Variants in EEF1AKMT2 observed in about 807,000 individuals in gnomAD.
EEF1AKMT2 encodes eukaryotic translation elongation factor 1 alpha lysine methyltransferase 2.
Under a neutral mutation model 35.8 loss-of-function variants are expected in EEF1AKMT2, and 32 were observed. That is an observed-to-expected ratio of 0.89 (90% CI 0.67 to 1.20). EEF1AKMT2 has a LOEUF of 1.20. EEF1AKMT2 is among the 50% of genes most tolerant of loss of function. The pLI is 0.00. For missense variants in EEF1AKMT2, 330 were observed against 347.5 expected (o/e 0.95, Z 0.40); for synonymous variants, 121 against 133.7 (o/e 0.91, Z 0.65).
chr10:124,764,241 C>T (rs1345358747), intron 5 of EEF1AKMT2, among the ~76,000 whole-genome samples: 1 of 150,150 alleles, frequency 6.7e-6, no homozygotes, highest in Non-Finnish European at 1.5e-5. Flanking sequence ...ATATTGAGTA[C>T]CATATTATTT....
At chr10:124,763,557 T>C (rs912158829) in intron 5 of EEF1AKMT2, among the ~76,000 whole-genome samples, 2 of 152,356 alleles carry the variant, frequency 1.3e-5, no homozygotes, top group African/African-American at 4.8e-5. Flanking sequence ...TTTTCAATTG[T>C]ATATAATTAT....
Position 124,760,507 on chromosome 10 carries a change from T to G in EEF1AKMT2, c.*-4A>C. The G allele has an allele frequency of 6.2e-7, 1 of 1,611,816 alleles. No individual in the cohort carries two copies. The highest frequency in any genetic ancestry group is 1.1e-5 in the South Asian group (1 of 90,970). Reference sequence around the variant, plus strand: ...AGCTCTTCGAGAAGTTCAAATCCTGTCAGACAAAATTTAAATACTTTTATT... The same window carrying G: ...AGCTCTTCGAGAAGTTCAAATCCTGGCAGACAAAATTTAAATACTTTTATT... On this transcript the variant is annotated splice_region_variant and splice_polypyrimidine_tract_variant and intron_variant, in intron 6 of 6. Coordinates refer to ENST00000368836, the MANE Select transcript of EEF1AKMT2 (RefSeq NM_212554.4).
intron 2 of EEF1AKMT2, among the ~76,000 whole-genome samples, chr10:124,789,896 G>A (rs1042987851): frequency 7.1e-5 from 5 of 70,028 alleles, no homozygotes; most frequent in Admixed American, 5.6e-4. Flanking sequence ...TTGAATATAT[G>A]CATTTTTTTT....
chr10:124,788,710 T>TTATATATATATATTTATATATATATATA (rs1554920487), intron 3 of EEF1AKMT2, among the ~76,000 whole-genome samples: 1 of 92,580 alleles, frequency 1.1e-5, no homozygotes, highest in Admixed American at 1.2e-4. Flanking sequence ...AAGGTCATCT[T>TTATATATATATATTTATATATATATATA]TATATATATA....
intron 3 of EEF1AKMT2, among the ~76,000 whole-genome samples, chr10:124,788,500 A>G (rs1022942401): frequency 2.6e-5 from 4 of 151,892 alleles, no homozygotes; most frequent in Non-Finnish European, 5.9e-5. Flanking sequence ...TTAAGACTGT[A>G]AAATTATCTA....
rs111311843 is a variant in EEF1AKMT2 at position 124,791,629 on chromosome 10, T to C, written c.110+95A>G. 4 of 1,510,724 alleles carry C rather than the reference T, an allele frequency of 2.6e-6. No homozygotes were observed. In the African/African-American group the frequency reaches 5.5e-5, roughly 21 times the overall value. The allele number at this position is 1,510,724 out of a possible 1,614,324, so 93.6% of individuals were successfully genotyped here. ...CCCGTCACGCCCCCGAGGGTCTCCC[T>C]GTCCCTGAGCCCCGGGTCTCCACCC... On this transcript the variant is annotated intron_variant, in intron 1 of 6. Transcript: ENST00000368836.
At chr10:124,768,986 T>G (rs1950404036) in intron 4 of EEF1AKMT2, among the ~76,000 whole-genome samples, 1 of 151,232 alleles carries the variant, frequency 6.6e-6, no homozygotes, top group Non-Finnish European at 1.5e-5. Flanking sequence ...CCTAGCACTT[T>G]GGAAAGCAGA....
intron 3 of EEF1AKMT2, among the ~76,000 whole-genome samples, chr10:124,777,969 C>T (rs1455937543): frequency 6.6e-6 from 1 of 152,028 alleles, no homozygotes; most frequent in Non-Finnish European, 1.5e-5. Context: ...CACACACAAC[C>T]CTCTATATCC....
intron 4 of EEF1AKMT2, among the ~76,000 whole-genome samples, chr10:124,771,162 A>T (rs1022302265): frequency 4.6e-5 from 7 of 151,314 alleles, no homozygotes; most frequent in Non-Finnish European, 8.8e-5. Context: ...TGCAGCGGCT[A>T]GATCTCAGCT....
Position 124,782,311 on chromosome 10 carries a change from G to A in EEF1AKMT2, c.291+6732C>T, listed in dbSNP as rs548251957. ...CAAGAGTTCAAGACCGGCCGGGTGC[G>A]GTGGCTCACGCCTGTAATCCCAGCA... On this transcript the variant is annotated intron_variant, in intron 3 of 6. Transcript: ENST00000368836. Among the ~76,000 whole-genome samples, 8 of 151,882 alleles carry A rather than the reference G, an allele frequency of 5.3e-5. No homozygotes were observed. The South Asian group carries it at 1.5e-3, about 28-fold the overall frequency.
At chr10:124,767,490 C>T (rs1454733796) in intron 4 of EEF1AKMT2, among the ~76,000 whole-genome samples, 2 of 134,456 alleles carry the variant, frequency 1.5e-5, no homozygotes, top group Non-Finnish European at 1.5e-5. Flanking sequence ...ACTGTCTAGG[C>T]GACAGGGCGA....
intron 1 of EEF1AKMT2, 46 bp downstream of exon 1, chr10:124,791,678 G>C: frequency 6.5e-7 from 1 of 1,544,466 alleles, no homozygotes; most frequent in Non-Finnish European, 8.7e-7. Context: ...TCGGGGCCCA[G>C]GCAGGGCGGC....
intron 3 of EEF1AKMT2, among the ~76,000 whole-genome samples, chr10:124,777,354 CAT>C (rs1172089377): frequency 6.6e-6 from 1 of 151,714 alleles, no homozygotes; most frequent in Non-Finnish European, 1.5e-5. Context: ...CACACACAGT[CAT>C]GTGTCACCAT....
At chr10:124,775,237 C>T (rs1378139449) in intron 3 of EEF1AKMT2, among the ~76,000 whole-genome samples, 2 of 152,172 alleles carry the variant, frequency 1.3e-5, no homozygotes, top group Non-Finnish European at 2.9e-5. Context: ...TCTCCACCAG[C>T]CATGTGATTT....
At chr10:124,767,374 G>A (rs1236439634) in intron 4 of EEF1AKMT2, among the ~76,000 whole-genome samples, 11 of 151,234 alleles carry the variant, frequency 7.3e-5, no homozygotes, top group Admixed American at 2.6e-4. Flanking sequence ...TTAGCCGGGC[G>A]TGGTGGCATG....
intron 2 of EEF1AKMT2, among the ~76,000 whole-genome samples, chr10:124,789,421 T>C (rs1174189097): frequency 6.6e-6 from 1 of 152,148 alleles, no homozygotes; most frequent in East Asian, 1.9e-4. Context: ...AATTTTATTG[T>C]TTATTGACAA....
chr10:124,776,013 GT>G (rs1184561937), intron 3 of EEF1AKMT2, among the ~76,000 whole-genome samples: 1 of 151,788 alleles, frequency 6.6e-6, no homozygotes, highest in African/African-American at 2.4e-5. Flanking sequence ...TGCCTCCCGG[GT>G]TCACACCATT....
At chr10:124,778,704 C>T (rs1270338533) in intron 3 of EEF1AKMT2, among the ~76,000 whole-genome samples, 5 of 141,626 alleles carry the variant, frequency 3.5e-5, no homozygotes, top group African/African-American at 1.0e-4. Flanking sequence ...GCCTGGGTGA[C>T]GGCGTGAGAC....
chr10:124,771,908 G>C (rs1008553928), intron 4 of EEF1AKMT2, among the ~76,000 whole-genome samples: 6 of 152,080 alleles, frequency 3.9e-5, no homozygotes, highest in African/African-American at 1.4e-4. Flanking sequence ...ATCTCCATCA[G>C]AGCTCTTGGG....
Sources: gnomAD v4.1 joint callset for allele counts (sites outside exome capture counted in the v4.1 genomes callset) on GRCh38, gnomAD v4.1.1 for gene constraint, MANE v1.5 for transcripts, NCBI Gene and HGNC (gene_info 2026-07-23, HGNC 2026-07-21) for gene names.